Variants in ENTREP2 observed in about 807,000 individuals in gnomAD.
ENTREP2 encodes protein ENTREP2.
chr15:29,450,984 G>GAA, the ENTREP2 span, among the ~76,000 whole-genome samples: 13 of 144,780 alleles, frequency 9.0e-5, no homozygotes, highest in African/African-American at 2.3e-4. Flanking sequence ...AGAGATTCAG[G>GAA]AAAAAAAAAA....
At chr15:29,188,700 T>C in the ENTREP2 span, among the ~76,000 whole-genome samples, 1 of 152,170 alleles carries the variant, frequency 6.6e-6, no homozygotes, top group Non-Finnish European at 1.5e-5. Flanking sequence ...TGTCTTTTGT[T>C]CTAATGAAGC....
At chr15:29,249,669 A>C in the ENTREP2 span, among the ~76,000 whole-genome samples, 2 of 152,180 alleles carry the variant, frequency 1.3e-5, no homozygotes, top group African/African-American at 4.8e-5. Context: ...TATTCTATGA[A>C]GAACTCAGGG....
the ENTREP2 span, among the ~76,000 whole-genome samples, chr15:29,247,842 C>T: frequency 1.1e-4 from 16 of 152,294 alleles, no homozygotes; most frequent in South Asian, 3.3e-3. Context: ...AGCTCTTTGA[C>T]TCTAATGCAA....
At chr15:29,337,020 G>T in the ENTREP2 span, among the ~76,000 whole-genome samples, 2 of 152,196 alleles carry the variant, frequency 1.3e-5, no homozygotes, top group African/African-American at 4.8e-5. Flanking sequence ...CAGAATTCTA[G>T]GTCTCAGGCT....
the ENTREP2 span, among the ~76,000 whole-genome samples, chr15:29,567,754 GCTGT>G: frequency 6.6e-6 from 1 of 152,212 alleles, no homozygotes; most frequent in Non-Finnish European, 1.5e-5. Context: ...CTAAGCATGG[GCTGT>G]CTGTCTTAGC....
At chr15:29,508,164 T>C in the ENTREP2 span, among the ~76,000 whole-genome samples, 1 of 152,100 alleles carries the variant, frequency 6.6e-6, no homozygotes, top group Non-Finnish European at 1.5e-5. Flanking sequence ...ATGGATAAAT[T>C]CCTGGACACA....
chr15:29,644,202 T>C, the ENTREP2 span, among the ~76,000 whole-genome samples: 2 of 152,246 alleles, frequency 1.3e-5, no homozygotes, highest in Non-Finnish European at 2.9e-5. Context: ...ATATGTTCTA[T>C]GATTTTACTT....
chr15:29,356,726 T>C, the ENTREP2 span, among the ~76,000 whole-genome samples: 1 of 152,130 alleles, frequency 6.6e-6, no homozygotes, highest in African/African-American at 2.4e-5. Context: ...TGAAATACTC[T>C]GGAAAAGACC....
At chr15:29,405,748 G>T in the ENTREP2 span, among the ~76,000 whole-genome samples, 1 of 152,216 alleles carries the variant, frequency 6.6e-6, no homozygotes, top group Admixed American at 6.5e-5. Flanking sequence ...CAAGGGCCTG[G>T]TGCCATGGCA....
chr15:29,535,583 G>T, the ENTREP2 span, among the ~76,000 whole-genome samples: 109 of 152,168 alleles, frequency 7.2e-4, no homozygotes, highest in African/African-American at 2.5e-3. Context: ...CCAGCTAGTC[G>T]GGAAGCTGAA....
the ENTREP2 span, among the ~76,000 whole-genome samples, chr15:29,135,711 G>A: frequency 2.8e-3 from 420 of 152,302 alleles, 1 homozygote; most frequent in African/African-American, 8.9e-3. The surrounding 1 kb of genome is among the most constrained non-coding windows in gnomAD (Gnocchi z 7.4). Flanking sequence ...TGCCTGTCAC[G>A]TGTCAGGCAC....
At chr15:29,159,441 G>A in the ENTREP2 span, among the ~76,000 whole-genome samples, 31 of 152,286 alleles carry the variant, frequency 2.0e-4, no homozygotes, top group Non-Finnish European at 4.1e-4. Context: ...GAAAAGGACA[G>A]GGCCGGGTTG....
chr15:29,391,712 T>A, the ENTREP2 span, among the ~76,000 whole-genome samples: 1 of 152,218 alleles, frequency 6.6e-6, no homozygotes, highest in Admixed American at 6.5e-5. Flanking sequence ...TTTTGTTACT[T>A]AGTGGGTTAT....
At chr15:29,663,048 C>T in the ENTREP2 span, among the ~76,000 whole-genome samples, 2 of 152,106 alleles carry the variant, frequency 1.3e-5, no homozygotes, top group Non-Finnish European at 2.9e-5. Flanking sequence ...TGCCCGGAAT[C>T]CCGTGCCCAG....
the ENTREP2 span, among the ~76,000 whole-genome samples, chr15:29,233,341 T>C: frequency 6.6e-6 from 1 of 152,308 alleles, no homozygotes; most frequent in South Asian, 2.1e-4. Flanking sequence ...AAATAACTTA[T>C]CCTACATAAA....
At chr15:29,336,854 A>C in the ENTREP2 span, among the ~76,000 whole-genome samples, 1 of 152,102 alleles carries the variant, frequency 6.6e-6, no homozygotes, top group African/African-American at 2.4e-5. Flanking sequence ...AAGGATCTGG[A>C]TGGTGCCAAC....
the ENTREP2 span, among the ~76,000 whole-genome samples, chr15:29,370,962 T>C: frequency 3.3e-5 from 5 of 152,272 alleles, no homozygotes; most frequent in East Asian, 9.7e-4. Flanking sequence ...ATACATATTC[T>C]TTATTCATGT....
the ENTREP2 span, among the ~76,000 whole-genome samples, chr15:29,358,458 G>C: frequency 1.1e-4 from 16 of 152,206 alleles, no homozygotes; most frequent in African/African-American, 3.9e-4. Flanking sequence ...AGACAGGCAG[G>C]AGACCAGATG....
the ENTREP2 span, among the ~76,000 whole-genome samples, chr15:29,577,349 T>TGTGTGTGTGTGTGAGA: frequency 1.5e-4 from 21 of 144,332 alleles, no homozygotes; most frequent in African/African-American, 4.9e-4. Flanking sequence ...TGTGTGTGTG[T>TGTGTGTGTGTGTGAGA]GAGAGAGAGA....
Sources: gnomAD v4.1 joint callset for allele counts (sites outside exome capture counted in the v4.1 genomes callset) on GRCh38, gnomAD v4.1.1 for gene constraint, Gnocchi (gnomAD v3.1) non-coding constraint, MANE v1.5 for transcripts, NCBI Gene and HGNC (gene_info 2026-07-23, HGNC 2026-07-21) for gene names.